NOS1AP: variants seen among roughly 807,000 people sequenced by gnomAD.
NOS1AP encodes nitric oxide synthase 1 adaptor protein, also known as carboxyl-terminal PDZ ligand of neuronal nitric oxide synthase protein.
Under a neutral mutation model 56.2 loss-of-function variants are expected in NOS1AP, and 21 were observed. The ratio of observed to expected loss-of-function variants is 0.37; its 90% CI spans 0.26 to 0.54. The LOEUF is 0.54. NOS1AP is among the 20% of genes least tolerant of loss of function. The pLI is 0.84. For missense variants in NOS1AP, 522 were observed against 657.8 expected (o/e 0.79, Z 2.26); for synonymous variants, 270 against 274.6 (o/e 0.98, Z 0.17).
intron 1 of NOS1AP, among the ~76,000 whole-genome samples, chr1:162,091,923 A>G (rs1692138718): frequency 6.6e-6 from 1 of 152,208 alleles, no homozygotes; most frequent in South Asian, 2.1e-4. Flanking sequence ...TGCAGAATAT[A>G]CAGGAAGAAT....
At chr1:162,333,455 A>G (rs1305118948) in intron 5 of NOS1AP, among the ~76,000 whole-genome samples, 1 of 152,170 alleles carries the variant, frequency 6.6e-6, no homozygotes, top group Non-Finnish European at 1.5e-5. Flanking sequence ...CTTCATCACA[A>G]TTCTGTATAT....
chr1:162,344,615 G>T (rs1474522592), intron 6 of NOS1AP, among the ~76,000 whole-genome samples: 1 of 151,782 alleles, frequency 6.6e-6, no homozygotes, highest in Non-Finnish European at 1.5e-5. Flanking sequence ...GAAGGCTGAG[G>T]CAGGAGAATT....
At chr1:162,244,521 TTAAG>T (rs1271169482) in intron 2 of NOS1AP, among the ~76,000 whole-genome samples, 1 of 152,122 alleles carries the variant, frequency 6.6e-6, no homozygotes, top group Non-Finnish European at 1.5e-5. Context: ...CTTTGAGAGA[TTAAG>T]TGTTTTCCTG....
At chr1:162,264,832 A>G (rs544281496) in intron 2 of NOS1AP, among the ~76,000 whole-genome samples, 28 of 132,540 alleles carry the variant, frequency 2.1e-4, no homozygotes, top group Middle Eastern at 5.3e-3. Context: ...TTTTTTTTTC[A>G]AGACAGGGTT....
intron 2 of NOS1AP, among the ~76,000 whole-genome samples, chr1:162,162,918 C>T (rs956598062): frequency 7.2e-5 from 11 of 152,106 alleles, no homozygotes; most frequent in Middle Eastern, 6.8e-3. Context: ...GTTTGGGGCG[C>T]GAACCCCAAA....
At chr1:162,163,221 T>C (rs1650313995) in intron 2 of NOS1AP, among the ~76,000 whole-genome samples, 1 of 151,702 alleles carries the variant, frequency 6.6e-6, no homozygotes, top group Non-Finnish European at 1.5e-5. Flanking sequence ...TGTTTGCCAA[T>C]TTTTTTTTCT....
intron 2 of NOS1AP, among the ~76,000 whole-genome samples, chr1:162,224,635 A>C (rs1004207401): frequency 6.6e-6 from 1 of 152,218 alleles, no homozygotes; most frequent in African/African-American, 2.4e-5. Context: ...TAAACATGAA[A>C]TAAAAGTGAA....
At chr1:162,117,712 G>A (rs1648024960) in intron 1 of NOS1AP, among the ~76,000 whole-genome samples, 1 of 152,224 alleles carries the variant, frequency 6.6e-6, no homozygotes, top group African/African-American at 2.4e-5. Flanking sequence ...TAGCTAAAGT[G>A]CCTTTTAGTT....
intron 2 of NOS1AP, among the ~76,000 whole-genome samples, chr1:162,200,123 T>G (rs115263373): frequency 0.032 from 4,907 of 152,330 alleles, 119 homozygotes; most frequent in Middle Eastern, 0.048. Flanking sequence ...GCCATCCCTT[T>G]CCTGGGACTG....
intron 1 of NOS1AP, among the ~76,000 whole-genome samples, chr1:162,147,398 C>A (rs1025071749): frequency 2.0e-5 from 3 of 150,600 alleles, no homozygotes; most frequent in African/African-American, 7.3e-5. Flanking sequence ...CTGACATAAA[C>A]CTTGTGAATA....
chr1:162,181,557 T>C (rs1651263555), intron 2 of NOS1AP, among the ~76,000 whole-genome samples: 1 of 152,242 alleles, frequency 6.6e-6, no homozygotes, highest in Non-Finnish European at 1.5e-5. Flanking sequence ...ATTTTTTCAC[T>C]ATTGTGAAGT....
intron 1 of NOS1AP, among the ~76,000 whole-genome samples, chr1:162,071,344 A>G (rs896611509): frequency 6.6e-6 from 1 of 152,188 alleles, no homozygotes; most frequent in Non-Finnish European, 1.5e-5. Context: ...TTGATGGTGT[A>G]CGTGCAGGCT....
intron 2 of NOS1AP, among the ~76,000 whole-genome samples, chr1:162,251,870 T>TG (rs1653870842): frequency 1.6e-4 from 2 of 12,476 alleles, no homozygotes; most frequent in East Asian, 2.5e-3. Context: ...TTTTTTTTTG[T>TG]TTTTTTTTTT....
chr1:162,165,251 G>A (rs1650431019), intron 2 of NOS1AP, among the ~76,000 whole-genome samples: 1 of 152,060 alleles, frequency 6.6e-6, no homozygotes, highest in Admixed American at 6.5e-5. Flanking sequence ...AACCCAGGAG[G>A]CAGGGGTTGC....
intron 2 of NOS1AP, among the ~76,000 whole-genome samples, chr1:162,179,390 T>A (rs1651174184): frequency 6.6e-6 from 1 of 152,188 alleles, no homozygotes; most frequent in African/African-American, 2.4e-5. Flanking sequence ...GGTTTTATAA[T>A]CTGTGTTCTT....
Position 162,292,148 on chromosome 1 carries a change from A to ATGAACCTTATGAACCCTTAAGG in NOS1AP, c.270+4713_270+4714insGAACCTTATGAACCCTTAAGGT, listed in dbSNP as rs1196408403. ...GGATCTGCATAGGTTACATAAGGATATTAGATATGAACCCTTCCCTGCAAA... is the reference window on the plus strand; with the variant it reads ...GGATCTGCATAGGTTACATAAGGATATGAACCTTATGAACCCTTAAGGTTAGATATGAACCCTTCCCTGCAAA... On this transcript the variant is annotated intron_variant, in intron 3 of 9. Coordinates refer to ENST00000361897, the MANE Select transcript of NOS1AP (RefSeq NM_014697.3). Among the ~76,000 whole-genome samples the ATGAACCTTATGAACCCTTAAGG allele has an allele frequency of 2.0e-5, 3 of 152,364 alleles. No individual in the cohort carries two copies. In the East Asian group the frequency reaches 5.8e-4, roughly 29 times the overall value.
At chr1:162,092,296 G>C (rs559402548) in intron 1 of NOS1AP, among the ~76,000 whole-genome samples, 1 of 152,306 alleles carries the variant, frequency 6.6e-6, no homozygotes, top group South Asian at 2.1e-4. Context: ...CAGGCATGCA[G>C]AATTTGGTGT....
chr1:162,335,790 C>T (rs1656923772), intron 5 of NOS1AP, among the ~76,000 whole-genome samples: 1 of 152,206 alleles, frequency 6.6e-6, no homozygotes, highest in Non-Finnish European at 1.5e-5. Context: ...CGTATATGCT[C>T]ATGACCTCTA....
rs531737317 is a variant in NOS1AP, at chr1:162,294,600, C to T, written c.271-6033C>T. Among the ~76,000 whole-genome samples, 7 of 152,204 alleles carry T rather than the reference C, an allele frequency of 4.6e-5. No homozygotes were observed. In the East Asian group the frequency reaches 7.7e-4, roughly 17 times the overall value. ...TCAAGTTAACCTACTCCCTCTATCT[C>T]GCTGACTTTTAAAAATACCCTAGAG... On this transcript the variant is annotated intron_variant, in intron 3 of 9. Coordinates refer to ENST00000361897, the MANE Select transcript of NOS1AP (RefSeq NM_014697.3).
Sources: allele counts gnomAD v4.1 joint callset (sites outside exome capture counted in the v4.1 genomes callset), GRCh38; gene constraint gnomAD v4.1.1; transcripts MANE v1.5; gene names NCBI Gene and HGNC (gene_info 2026-07-23, HGNC 2026-07-21).